The following CD163L1 variants were observed in gnomAD, a reference collection of about 807,000 sequenced individuals.
The protein encoded by CD163L1 is CD163 molecule like 1, also known as scavenger receptor cysteine-rich type 1 protein M160.
CD163L1 carries 124 observed loss-of-function variants against 165.4 expected under a neutral mutation model. That is an observed-to-expected ratio of 0.75 (90% CI 0.65 to 0.87). CD163L1 has a LOEUF of 0.87. Among genes scored for constraint, CD163L1 ranks in the 40% least tolerant of loss-of-function variants. The pLI, the probability that CD163L1 is intolerant of heterozygous loss-of-function variation, is 0.00. For missense variants in CD163L1, 1,525 were observed against 1,799.9 expected, an observed-to-expected ratio of 0.85 and a Z score of 2.76; for synonymous variants, 585 against 662.2, an observed-to-expected ratio of 0.88 and a Z score of 1.79.
chr12:7,374,824 T>C lies in CD163L1; in HGVS notation c.3094+7A>G, dbSNP rs779010336. The C allele has an allele frequency of 1.9e-6, 3 of 1,614,178 alleles. No individual in the cohort carries two copies. The highest frequency in any genetic ancestry group is 2.5e-6 in the Non-Finnish European group (3 of 1,179,988). On this transcript the variant is annotated splice_region_variant and intron_variant, in intron 12 of 19. Transcript: ENST00000313599. The surrounding 1 kb of genome is among the most constrained non-coding windows in gnomAD (Gnocchi z 5.4). ...TTGCAGTGTTTCCTAAAACTGATTC[T>C]GCTTACCTAAGCAGATCAAAGCACT...
At chr12:7,421,478 T>TAC (rs1429300462) in intron 4 of CD163L1, among the ~76,000 whole-genome samples, 2 of 102,820 alleles carry the variant, frequency 1.9e-5, no homozygotes. Flanking sequence ...TATATACATA[T>TAC]ATGTACATAT....
intron 4 of CD163L1, among the ~76,000 whole-genome samples, chr12:7,421,061 ATATGTATATATACG>A (rs1948354292): frequency 6.4e-5 from 7 of 110,182 alleles, no homozygotes; most frequent in Admixed American, 1.0e-4. Context: ...ATATACGTAT[ATATGTATATATACG>A]TATATATATA....
chr12:7,421,496 T>TATATAC (rs1948408770), intron 4 of CD163L1, among the ~76,000 whole-genome samples: 2 of 89,390 alleles, frequency 2.2e-5, no homozygotes, highest in Non-Finnish European at 2.1e-5. Flanking sequence ...TATATACATA[T>TATATAC]ATGTACATAT....
intron 4 of CD163L1, among the ~76,000 whole-genome samples, chr12:7,410,604 C>CA (rs140470376): frequency 0.087 from 9,551 of 109,302 alleles, 378 homozygotes; most frequent in African/African-American, 0.12. Context: ...AGTCCATATC[C>CA]AAAAAAAAAA....
At chr12:7,323,884 A>T in the CD163L1 span, among the ~76,000 whole-genome samples, 1 of 152,180 alleles carries the variant, frequency 6.6e-6, no homozygotes, top group Admixed American at 6.5e-5. Flanking sequence ...TTTTAAAAAA[A>T]TTTAATTTCC....
downstream of CD163L1, among the ~76,000 whole-genome samples, chr12:7,342,852 ATAT>A (rs1354902543): frequency 1.3e-5 from 2 of 152,176 alleles, no homozygotes; most frequent in South Asian, 4.1e-4. Flanking sequence ...GGACTCCAAA[ATAT>A]TATTTATTTA....
chr12:7,415,762 G>A lies in CD163L1; in HGVS notation c.767-8910C>T, dbSNP rs183946554. On this transcript the variant is annotated intron_variant, in intron 4 of 19. Coordinates refer to ENST00000313599, the MANE Select transcript of CD163L1 (RefSeq NM_174941.6). The stretch of plus-strand genomic sequence containing the variant: ...CCCTGCAAAGGACATAAACTCACCC[G>A]TTTTTTGGCTACATAGTATTCCATG... 1.3e-3 allele frequency among the ~76,000 whole-genome samples: 197 copies of A among 152,026 alleles called. 2 individuals carry two copies. In the East Asian group the frequency reaches 0.034, roughly 27 times the overall value.
At chr12:7,334,183 AC>A in the CD163L1 span, among the ~76,000 whole-genome samples, 1 of 152,044 alleles carries the variant, frequency 6.6e-6, no homozygotes, top group African/African-American at 2.4e-5. Context: ...CAGAGACACA[AC>A]CAAAAAAGAG....
chr12:7,441,911 C>G (rs890161790), intron 1 of CD163L1, among the ~76,000 whole-genome samples: 7 of 152,156 alleles, frequency 4.6e-5, no homozygotes, highest in Admixed American at 1.3e-4. Context: ...TTCAGTCATG[C>G]TCAGTTCTGC....
intron 4 of CD163L1, among the ~76,000 whole-genome samples, chr12:7,425,487 A>T (rs999350665): frequency 6.6e-6 from 1 of 152,204 alleles, no homozygotes; most frequent in African/African-American, 2.4e-5. Context: ...GACAAATAGG[A>T]TTTAATTAAA....
intron 9 of CD163L1, 33 bp from the exon 10 acceptor site, chr12:7,376,047 G>C (rs1947266741): frequency 6.3e-7 from 1 of 1,578,792 alleles, no homozygotes; most frequent in East Asian, 2.2e-5. Context: ...TTAGTTTTTA[G>C]GGTTTTCCAA....
rs1397799406 is a variant in CD163L1 at position 7,372,112 on chromosome 12, T to C, written c.3730+1208A>G. On this transcript the variant is annotated intron_variant, in intron 14 of 19. Transcript: ENST00000313599. The surrounding 1 kb of genome is among the most constrained non-coding windows in gnomAD (Gnocchi z 4.2). ...AAACAGACAATATTCATAAATAATG[T>C]CCATATCCACTACTAACCAAACCCA... Among the ~76,000 whole-genome samples, 1 of 152,104 alleles carries C rather than the reference T, an allele frequency of 6.6e-6. No homozygotes were observed. The highest frequency in any genetic ancestry group is 2.4e-5 in the African/African-American group (1 of 41,436).
chr12:7,394,678 T>G (rs1353995631), intron 8 of CD163L1, among the ~76,000 whole-genome samples: 1 of 151,734 alleles, frequency 6.6e-6, no homozygotes, highest in African/African-American at 2.4e-5. Context: ...GGGAGAAAAT[T>G]TTTACAATCT....
chr12:7,385,693 C>T (rs924683995), intron 8 of CD163L1, among the ~76,000 whole-genome samples: 2 of 151,794 alleles, frequency 1.3e-5, no homozygotes, highest in African/African-American at 2.4e-5. Context: ...AATTGGAAAT[C>T]AACGACAAGA....
In CD163L1 at chr12:7,375,849, A is replaced by C; in HGVS notation, c.2537T>G (p.Val846Gly). 2 of 1,614,174 alleles carry C rather than the reference A, an allele frequency of 1.2e-6. No individual in the cohort carries two copies. The highest frequency in any genetic ancestry group is 2.2e-5 in the South Asian group (2 of 91,078). Reference protein sequence around the residue: ...LNCGDAISLSVGDHFGKGNGL... With the variant: ...LNCGDAISLSGGDHFGKGNGL... Reference sequence around the variant, plus strand: ...ATTCCCTTTTCCAAAGTGATCTCCCACAGAAAGAGATATGGCATCTCCACA... The same window carrying C: ...ATTCCCTTTTCCAAAGTGATCTCCCCCAGAAAGAGATATGGCATCTCCACA... Residue 846 changes from valine to glycine, a missense_variant, in exon 10 of 20, where the codon GTG becomes GGG. Val to Gly is a moderately radical substitution (Grantham distance 109). Transcript: ENST00000313599.
rs139713810 is a variant in CD163L1 at position 7,367,324 on chromosome 12, G to A, written c.4191C>T (p.Thr1397=). The change falls in exon 18 of 20, where the codon ACC becomes ACT. Residue 1397 remains threonine, a synonymous_variant. Coordinates refer to ENST00000313599, the MANE Select transcript of CD163L1 (RefSeq NM_174941.6). ...TCTCCTCGAGAGAACCCCTCCTTCTGGTTGAAACTGAGAATGGATGCTTCA... is the reference window on the plus strand; with the variant it reads ...TCTCCTCGAGAGAACCCCTCCTTCTAGTTGAAACTGAGAATGGATGCTTCA... The part of the protein sequence containing the change: ...KQKHLPLRVS[T]RRRGSLEENL... The A allele has an allele frequency of 1.9e-6, 3 of 1,609,896 alleles. No individual in the cohort carries two copies. The highest frequency in any genetic ancestry group is 2.2e-5 in the East Asian group (1 of 44,846).
intron 2 of CD163L1, chr12:7,439,285 T>C (rs1259651020): frequency 1.3e-6 from 2 of 1,550,690 alleles, no homozygotes; most frequent in Non-Finnish European, 1.8e-6. Context: ...CGTCTTTAAA[T>C]CTCTTATTTC....
chr12:7,394,538 G>T (rs1299709197), intron 8 of CD163L1, among the ~76,000 whole-genome samples: 1 of 152,104 alleles, frequency 6.6e-6, no homozygotes, highest in African/African-American at 2.4e-5. Context: ...CATGGGCAAG[G>T]ACTTCATGAC....
chr12:7,434,575 G>A (rs1948689404), intron 2 of CD163L1, among the ~76,000 whole-genome samples: 1 of 152,018 alleles, frequency 6.6e-6, no homozygotes, highest in African/African-American at 2.4e-5. Flanking sequence ...GGTGAATTCT[G>A]TGCATATGAT....
Sources: allele counts gnomAD v4.1 joint callset (sites outside exome capture counted in the v4.1 genomes callset), GRCh38; gene constraint gnomAD v4.1.1; non-coding constraint Gnocchi (gnomAD v3.1); transcripts MANE v1.5; gene names NCBI Gene and HGNC (gene_info 2026-07-23, HGNC 2026-07-21).